Variants in PALLD observed in about 807,000 individuals in gnomAD.
PALLD encodes palladin.
A neutral mutation model predicts 123.5 loss-of-function variants in PALLD; 61 were observed. That is an observed-to-expected ratio of 0.49 (90% confidence interval 0.40 to 0.61). PALLD has a LOEUF of 0.61. Ranked by LOEUF, PALLD falls within the 20% of genes least tolerant of loss-of-function variation. The pLI is 0.00. For missense variants in PALLD, 1,273 were observed against 1,377.0 expected (o/e 0.92, Z 1.20); for synonymous variants, 465 against 496.4 (o/e 0.94, Z 0.84).
rs748859545 is a variant in PALLD, at chr4:168,757,397, G to C, written c.1964+45474G>C. Reference sequence around the variant, plus strand: ...GGTTGTTGATGTCCTAAATATGATGGTGTCATTACTGACTAGGGAGGGTGC... The same window carrying C: ...GGTTGTTGATGTCCTAAATATGATGCTGTCATTACTGACTAGGGAGGGTGC... On this transcript the variant is annotated intron_variant, in intron 10 of 21. Transcript: ENST00000505667. Among the ~76,000 whole-genome samples, 111 of 152,322 alleles carry C rather than the reference G, an allele frequency of 7.3e-4. 1 individual carries two copies. The Middle Eastern group carries it at 0.01, about 14-fold the overall frequency.
chr4:168,909,931 T>C (rs570966518), intron 15 of PALLD, among the ~76,000 whole-genome samples: 1 of 152,288 alleles, frequency 6.6e-6, no homozygotes, highest in Non-Finnish European at 1.5e-5. Flanking sequence ...CTCTAAATGC[T>C]CCTGGTTATG....
intron 10 of PALLD, among the ~76,000 whole-genome samples, chr4:168,735,870 T>C (rs925612232): frequency 1.3e-5 from 2 of 152,234 alleles, no homozygotes; most frequent in African/African-American, 4.8e-5. Context: ...CCTGTTCCTC[T>C]ACCTCCCACA....
At chr4:168,792,518 C>G (rs538657362) in intron 10 of PALLD, among the ~76,000 whole-genome samples, 12 of 152,054 alleles carry the variant, frequency 7.9e-5, no homozygotes, top group African/African-American at 2.9e-4. Flanking sequence ...TAAGGTGCAC[C>G]TGAGTCCTCT....
chr4:168,895,703 T>C lies in PALLD; in HGVS notation c.2200-846T>C, dbSNP rs1754982300. ...GGTTGGTCTTGCTTATCTCAGGGGT[T>C]GCAGAAGCGGAAGAAAATCCATATA... On this transcript the variant is annotated intron_variant, in intron 12 of 21. Transcript: ENST00000505667. Among the ~76,000 whole-genome samples the C allele has an allele frequency of 3.9e-5, 6 of 152,346 alleles. No individual in the cohort carries two copies. The South Asian group carries it at 1.2e-3, about 32-fold the overall frequency.
At chr4:168,632,628 T>TG (rs1354772586) in intron 2 of PALLD, among the ~76,000 whole-genome samples, 13 of 152,226 alleles carry the variant, frequency 8.5e-5, no homozygotes, top group Non-Finnish European at 1.3e-4. Flanking sequence ...GCGGTGGTTC[T>TG]TAGGGAACAA....
chr4:168,580,668 G>A (rs1443163377), intron 2 of PALLD, among the ~76,000 whole-genome samples: 1 of 152,052 alleles, frequency 6.6e-6, no homozygotes, highest in Non-Finnish European at 1.5e-5. Context: ...AAAGACATAT[G>A]TATGCATATG....
chr4:168,850,669 T>C (rs547496610), intron 10 of PALLD, among the ~76,000 whole-genome samples: 2 of 151,488 alleles, frequency 1.3e-5, no homozygotes, highest in South Asian at 4.2e-4. Context: ...GTAGCTAGGA[T>C]TACAGGCGTG....
intron 10 of PALLD, among the ~76,000 whole-genome samples, chr4:168,740,911 T>G (rs1225377431): frequency 1.3e-5 from 2 of 152,236 alleles, no homozygotes; most frequent in Non-Finnish European, 2.9e-5. Context: ...TTTGAAAATG[T>G]TCTGTGACAT....
At chr4:168,765,559 A>G (rs1224424339) in intron 10 of PALLD, among the ~76,000 whole-genome samples, 1 of 152,184 alleles carries the variant, frequency 6.6e-6, no homozygotes, top group Non-Finnish European at 1.5e-5. Flanking sequence ...CTACACGTTC[A>G]TGGACAAGAA....
chr4:168,559,558 A>G (rs1767652565), intron 2 of PALLD, among the ~76,000 whole-genome samples: 1 of 152,174 alleles, frequency 6.6e-6, no homozygotes, highest in African/African-American at 2.4e-5. Flanking sequence ...TATTATAGTG[A>G]TAATATCAGA....
intron 10 of PALLD, among the ~76,000 whole-genome samples, chr4:168,817,953 C>T (rs1479999904): frequency 1.3e-5 from 2 of 152,178 alleles, no homozygotes; most frequent in African/African-American, 4.8e-5. Flanking sequence ...ACTACCAGAA[C>T]CTGCCCAGAA....
At position 168,851,460 on chromosome 4, in the gene PALLD, C is replaced by T. The variant is rs113286384; in HGVS notation, c.1965-39462C>T. On this transcript the variant is annotated intron_variant, in intron 10 of 21. Coordinates refer to ENST00000505667, the MANE Select transcript of PALLD (RefSeq NM_001166108.2). ...TCGGCTCACTGCAACCTCTGCCTCC[C>T]GGGTTCAAGCAATTCTCATGCTTCG... is the stretch of plus-strand genomic sequence containing the variant. 4.8e-3 allele frequency among the ~76,000 whole-genome samples: 735 copies of T among 152,168 alleles called. 13 individuals are homozygous for T. The highest frequency in any genetic ancestry group is 6.9e-3 in the Non-Finnish European group (470 of 67,994).
chr4:168,570,974 T>A (rs1405746666), intron 2 of PALLD, among the ~76,000 whole-genome samples: 1 of 152,212 alleles, frequency 6.6e-6, no homozygotes. Context: ...AAGCATTTAT[T>A]TAGGCTCTAT....
chr4:168,507,316 T>A (rs1762105180), intron 1 of PALLD: 2 of 177,970 alleles, frequency 1.1e-5, no homozygotes, highest in South Asian at 4.0e-4. Flanking sequence ...CTTTCTATCA[T>A]CTATCTTATG....
intron 3 of PALLD, among the ~76,000 whole-genome samples, chr4:168,671,557 A>C (rs1213628335): frequency 6.6e-6 from 1 of 152,222 alleles, no homozygotes; most frequent in Non-Finnish European, 1.5e-5. Context: ...AGAGGTGTGA[A>C]GATTCAGTCT....
At chr4:168,580,164 G>A (rs1770090361) in intron 2 of PALLD, among the ~76,000 whole-genome samples, 1 of 151,700 alleles carries the variant, frequency 6.6e-6, no homozygotes, top group Non-Finnish European at 1.5e-5. Context: ...TTAAGATGAT[G>A]TCCTCCAGCC....
intron 2 of PALLD, among the ~76,000 whole-genome samples, chr4:168,656,032 A>T (rs553284207): frequency 6.6e-6 from 1 of 152,150 alleles, no homozygotes; most frequent in Non-Finnish European, 1.5e-5. Flanking sequence ...ATTGTATTTC[A>T]GTGGACAGGT....
At chr4:168,858,984 A>C (rs147209165) in intron 10 of PALLD, among the ~76,000 whole-genome samples, 62 of 152,290 alleles carry the variant, frequency 4.1e-4, no homozygotes, top group African/African-American at 1.4e-3. Context: ...GTAGACTATC[A>C]TTTTTGTACT....
chr4:168,915,830 G>T, intron 16 of PALLD, 65 bp from the exon 17 acceptor site: 1 of 1,262,450 alleles, frequency 7.9e-7, no homozygotes, highest in South Asian at 1.2e-5. Flanking sequence ...GAAAACAGAT[G>T]ACTAAAAGTC....
Sources: allele counts gnomAD v4.1 joint callset (sites outside exome capture counted in the v4.1 genomes callset), GRCh38; gene constraint gnomAD v4.1.1; transcripts MANE v1.5; gene names NCBI Gene and HGNC (gene_info 2026-07-23, HGNC 2026-07-21).